The following GALNTL6 variants were observed in gnomAD, a reference collection of about 807,000 sequenced individuals.
GALNTL6 encodes polypeptide N-acetylgalactosaminyltransferase-like 6.
In GALNTL6, 46 loss-of-function variants were observed where a neutral mutation model predicts 73.7. The ratio of observed to expected loss-of-function variants is 0.62; its 90% CI spans 0.49 to 0.80. GALNTL6 has a LOEUF of 0.80. GALNTL6 is among the 30% of genes least tolerant of loss of function. The probability of loss-of-function intolerance (pLI) is 0.00; values close to 1 mark genes in which losing one functional copy is unlikely to be tolerated. For missense variants in GALNTL6, 604 were observed against 755.0 expected (o/e 0.80, Z 2.34); for synonymous variants, 259 against 263.7 (o/e 0.98, Z 0.17).
At chr4:172,796,823 C>T (rs1740297323) in intron 5 of GALNTL6, among the ~76,000 whole-genome samples, 1 of 152,042 alleles carries the variant, frequency 6.6e-6, no homozygotes, top group Admixed American at 6.6e-5. Flanking sequence ...GGACCAATTC[C>T]CAGATATTTA....
intron 10 of GALNTL6, among the ~76,000 whole-genome samples, chr4:172,967,139 C>T (rs1239684060): frequency 2.0e-5 from 3 of 152,196 alleles, no homozygotes; most frequent in South Asian, 4.1e-4. Flanking sequence ...CAGGAATTAA[C>T]GTTTACCTTA....
At chr4:172,325,104 T>G (rs954362858) in intron 4 of GALNTL6, among the ~76,000 whole-genome samples, 2 of 151,640 alleles carry the variant, frequency 1.3e-5, no homozygotes, top group Non-Finnish European at 3.0e-5. Flanking sequence ...CAAAAAGTAT[T>G]TCTAAGAAAA....
intron 5 of GALNTL6, among the ~76,000 whole-genome samples, chr4:172,702,928 T>G (rs1440444576): frequency 6.6e-6 from 1 of 152,010 alleles, no homozygotes; most frequent in Non-Finnish European, 1.5e-5. Flanking sequence ...GGTTAAGCAT[T>G]TTGCTAAGTT....
At chr4:172,824,167 A>G (rs1742100655) in intron 7 of GALNTL6, among the ~76,000 whole-genome samples, 1 of 152,312 alleles carries the variant, frequency 6.6e-6, no homozygotes, top group African/African-American at 2.4e-5. Flanking sequence ...TAAGCCTTAC[A>G]TGTGGTGTGC....
At chr4:172,020,242 G>A (rs1484790352) in intron 2 of GALNTL6, among the ~76,000 whole-genome samples, 1 of 151,724 alleles carries the variant, frequency 6.6e-6, no homozygotes, top group Non-Finnish European at 1.5e-5. Flanking sequence ...ACCTAACAAT[G>A]CATCTTAAAG....
At chr4:172,352,501 A>G (rs1741976094) in intron 5 of GALNTL6, among the ~76,000 whole-genome samples, 1 of 152,170 alleles carries the variant, frequency 6.6e-6, no homozygotes, top group Admixed American at 6.6e-5. Context: ...ACAAGGCTTC[A>G]TGGTGACTTT....
intron 2 of GALNTL6, among the ~76,000 whole-genome samples, chr4:172,164,906 A>T (rs890140416): frequency 6.6e-6 from 1 of 152,130 alleles, no homozygotes; most frequent in Non-Finnish European, 1.5e-5. Context: ...TTGATAGGTC[A>T]TCAAGGAACA....
chr4:172,212,891 G>C (rs953052338), intron 2 of GALNTL6, among the ~76,000 whole-genome samples: 8 of 151,654 alleles, frequency 5.3e-5, no homozygotes, highest in South Asian at 2.1e-4. Flanking sequence ...GGCTGTTCTC[G>C]AACTCCCGAC....
intron 5 of GALNTL6, among the ~76,000 whole-genome samples, chr4:172,554,551 T>C (rs1326333139): frequency 1.3e-5 from 2 of 152,176 alleles, no homozygotes; most frequent in Non-Finnish European, 2.9e-5. Context: ...AGAGACAGAA[T>C]ATTAGTAGCT....
At chr4:171,902,647 T>C (rs1031590146) in intron 2 of GALNTL6, among the ~76,000 whole-genome samples, 2 of 152,114 alleles carry the variant, frequency 1.3e-5, no homozygotes, top group Non-Finnish European at 2.9e-5. Flanking sequence ...AGGCTGGTCA[T>C]TGAAAGAAGC....
intron 2 of GALNTL6, among the ~76,000 whole-genome samples, chr4:171,930,263 C>T (rs1738136465): frequency 6.6e-6 from 1 of 152,208 alleles, no homozygotes; most frequent in South Asian, 2.1e-4. Flanking sequence ...ATGCCATCAC[C>T]TTCACAAATT....
At chr4:172,777,332 G>A (rs4546224) in intron 5 of GALNTL6, among the ~76,000 whole-genome samples, 72,877 of 152,002 alleles carry the variant, frequency 0.48, 18,803 homozygotes, top group East Asian at 0.73. Context: ...TTGAGTTGGG[G>A]AGTTTTTCAC....
chr4:172,911,297 C>T (rs1280494490), intron 8 of GALNTL6, among the ~76,000 whole-genome samples: 2 of 152,186 alleles, frequency 1.3e-5, no homozygotes, highest in Non-Finnish European at 2.9e-5. Flanking sequence ...ATAAATTCAG[C>T]CTTATAAAAT....
intron 5 of GALNTL6, among the ~76,000 whole-genome samples, chr4:172,542,818 C>A (rs539562810): frequency 6.6e-6 from 1 of 151,906 alleles, no homozygotes; most frequent in Non-Finnish European, 1.5e-5. Context: ...GCTGGCCGGG[C>A]GCAGTGGCTC....
intron 5 of GALNTL6, among the ~76,000 whole-genome samples, chr4:172,723,764 A>G (rs1735629891): frequency 7.7e-6 from 1 of 129,398 alleles, no homozygotes; most frequent in African/African-American, 2.7e-5. Flanking sequence ...TGTATTATTG[A>G]TAGTAGAAAA....
intron 5 of GALNTL6, among the ~76,000 whole-genome samples, chr4:172,460,415 T>A (rs1384201042): frequency 6.6e-6 from 1 of 151,990 alleles, no homozygotes; most frequent in Non-Finnish European, 1.5e-5. Flanking sequence ...AAAGAAATGA[T>A]CATCAGAGTG....
intron 3 of GALNTL6, among the ~76,000 whole-genome samples, chr4:172,248,102 GA>G (rs930614561): frequency 1.3e-5 from 2 of 152,112 alleles, no homozygotes; most frequent in African/African-American, 4.8e-5. Context: ...ACTGTTTAAA[GA>G]TGCCTTCAAA....
At chr4:172,032,808 A>C (rs1450714374) in intron 2 of GALNTL6, among the ~76,000 whole-genome samples, 1 of 152,092 alleles carries the variant, frequency 6.6e-6, no homozygotes, top group African/African-American at 2.4e-5. Context: ...AAGAGAAAAA[A>C]TAATGTCTCT....
At chr4:172,490,764 C>A (rs371195040) in intron 5 of GALNTL6, among the ~76,000 whole-genome samples, 1 of 152,068 alleles carries the variant, frequency 6.6e-6, no homozygotes, top group Non-Finnish European at 1.5e-5. Context: ...CTGTACCAGG[C>A]CTGAGAGTTC....
Sources: gnomAD v4.1 joint callset for allele counts (sites outside exome capture counted in the v4.1 genomes callset) on GRCh38, gnomAD v4.1.1 for gene constraint, MANE v1.5 for transcripts, NCBI Gene and HGNC (gene_info 2026-07-23, HGNC 2026-07-21) for gene names.